Variants in SVEP1 observed in about 807,000 individuals in gnomAD.
The protein encoded by SVEP1 is sushi, von Willebrand factor type A, EGF and pentraxin domain containing 1.
In SVEP1, 164 loss-of-function variants were observed where a neutral mutation model predicts 367.3. The ratio of observed to expected loss-of-function variants is 0.45; its 90% CI spans 0.39 to 0.51. The LOEUF (loss-of-function observed/expected upper bound fraction) is 0.51. SVEP1 is among the 20% of genes least tolerant of loss of function. The pLI is 0.00. For synonymous variants in SVEP1, 1,666 were observed against 1,611.6 expected (o/e 1.03, Z -0.81); for missense variants, 4,117 against 4,425.3 (o/e 0.93, Z 1.98).
intron 9 of SVEP1, among the ~76,000 whole-genome samples, chr9:110,485,323 C>T (rs956971082): frequency 3.3e-5 from 5 of 152,128 alleles, no homozygotes; most frequent in African/African-American, 1.2e-4. Flanking sequence ...CCTCAGCAAA[C>T]TAATGCAGGA....
At chr9:110,488,605 T>C (rs1466401579) in intron 9 of SVEP1, among the ~76,000 whole-genome samples, 1 of 152,176 alleles carries the variant, frequency 6.6e-6, no homozygotes, top group African/African-American at 2.4e-5. Context: ...CTCACACCTA[T>C]AATCCCAGCA....
intron 3 of SVEP1, among the ~76,000 whole-genome samples, chr9:110,539,645 C>T (rs1830120073): frequency 6.6e-6 from 1 of 150,682 alleles, no homozygotes; most frequent in South Asian, 2.1e-4. Context: ...GTATGTGTTA[C>T]ATATATATGT....
At chr9:110,538,228 G>C (rs1241972914) in intron 3 of SVEP1, among the ~76,000 whole-genome samples, 2 of 151,932 alleles carry the variant, frequency 1.3e-5, no homozygotes, top group Non-Finnish European at 2.9e-5. Context: ...CCTGATTTAG[G>C]CAACAGTTAC....
intron 35 of SVEP1, among the ~76,000 whole-genome samples, chr9:110,428,399 A>AACACACACACACAC (rs113743775): frequency 0.14 from 17,054 of 119,976 alleles, 1,217 homozygotes; most frequent in Admixed American, 0.21. Context: ...CCTCTGTTTA[A>AACACACACACACAC]ACACACACAC....
At chr9:110,401,223 G>C (rs138945450) in intron 39 of SVEP1, among the ~76,000 whole-genome samples, 3 of 152,028 alleles carry the variant, frequency 2.0e-5, no homozygotes, top group Non-Finnish European at 4.4e-5. Context: ...GACAATTTTA[G>C]ACATTTCTTA....
intron 7 of SVEP1, among the ~76,000 whole-genome samples, chr9:110,498,269 C>G (rs76731630): frequency 2.6e-5 from 4 of 152,166 alleles, no homozygotes; most frequent in Non-Finnish European, 5.9e-5. Context: ...TATTTGTGGT[C>G]TAAAGGATTA....
intron 2 of SVEP1, among the ~76,000 whole-genome samples, chr9:110,548,490 C>T (rs1830246280): frequency 6.6e-6 from 1 of 152,146 alleles, no homozygotes; most frequent in Non-Finnish European, 1.5e-5. Context: ...GTACTATTCT[C>T]ATTTCCTATT....
Position 110,483,420 on chromosome 9 carries a change from G to A in SVEP1, c.2038+166C>T, listed in dbSNP as rs149446744. 5.9e-5 allele frequency among the ~76,000 whole-genome samples: 9 copies of A among 152,258 alleles called. No homozygotes were observed. In the East Asian group the frequency reaches 1.7e-3, roughly 29 times the overall value. ...CTCATTGATAGGTAAGATTGATAAT[G>A]TTAAATTATAATTATTCTAGCATTA... On this transcript the variant is annotated intron_variant, in intron 10 of 47. Coordinates refer to ENST00000374469, the MANE Select transcript of SVEP1 (RefSeq NM_153366.4).
At chr9:110,401,576 G>A (rs1406895614) in intron 39 of SVEP1, among the ~76,000 whole-genome samples, 1 of 148,970 alleles carries the variant, frequency 6.7e-6, no homozygotes. Context: ...AATCAATAAT[G>A]ATTAAAATAA....
intron 46 of SVEP1, among the ~76,000 whole-genome samples, chr9:110,374,254 G>T (rs543016935): frequency 5.3e-5 from 8 of 152,198 alleles, no homozygotes; most frequent in South Asian, 2.1e-4. Flanking sequence ...GTGGTATTTG[G>T]TTTTTTGTTC....
chr9:110,502,412 T>C (rs889774489), intron 6 of SVEP1, among the ~76,000 whole-genome samples: 1 of 152,130 alleles, frequency 6.6e-6, no homozygotes, highest in African/African-American at 2.4e-5. Context: ...AGAAAAATTC[T>C]ATTTTTGAAT....
At position 110,386,043 on chromosome 9, in the gene SVEP1, G is replaced by C. The variant is rs370352992; in HGVS notation, c.10092C>G (p.Pro3364=). The change falls in exon 43 of 48, where the codon CCC becomes CCG. Residue 3364 remains proline (P), a synonymous_variant. Transcript: ENST00000374469. The part of the protein sequence containing the change: ...PNPCPVPFVI[P]ENALLSEKEF... ...CCTTTTCAGACAGCAGAGCATTCTC[G>C]GGAATCACAAAAGGAACAGGGCATG... is the stretch of plus-strand genomic sequence containing the variant. 2 of 1,613,420 alleles carry C rather than the reference G, an allele frequency of 1.2e-6. No individual in the cohort carries two copies. The highest frequency in any genetic ancestry group is 1.7e-6 in the Non-Finnish European group (2 of 1,179,632).
At chr9:110,387,591 A>C in intron 41 of SVEP1, 133 bp from the exon 42 acceptor site, 1 of 1,021,708 alleles carries the variant, frequency 9.8e-7, no homozygotes, top group South Asian at 1.9e-5. Context: ...GCACAGTGAT[A>C]TTCATTGAAG....
chr9:110,451,340 A>T lies in SVEP1; in HGVS notation c.3850T>A (p.Cys1284Ser), dbSNP rs1828690199. The change falls in exon 23 of 48, where the codon TGT (cysteine) becomes AGT (serine). Residue 1284 changes from cysteine (C) to serine (S), a missense_variant. Physicochemically the swap from Cys to Ser is moderately radical, Grantham distance 112. This residue lies in a region of SVEP1 where 2,174 missense variants were observed against 2,494.3 expected (regional missense o/e 0.87). Coordinates refer to ENST00000374469, the MANE Select transcript of SVEP1 (RefSeq NM_153366.4). Reference protein sequence around the residue: ...SSSPCLNKGICVDGVAGYRCT... With the variant: ...SSSPCLNKGISVDGVAGYRCT... ...CGATAGCCAGCCACACCATCAACACAGATTCCTTTATTTAAACAAGGACTG... is the reference window on the plus strand; with the variant it reads ...CGATAGCCAGCCACACCATCAACACTGATTCCTTTATTTAAACAAGGACTG... 1 of 1,613,702 alleles carries T rather than the reference A, an allele frequency of 6.2e-7. No homozygotes were observed. The highest frequency in any genetic ancestry group is 1.3e-5 in the African/African-American group (1 of 74,922).
In SVEP1 at chr9:110,528,152, G is replaced by GTATA. The variant is rs1366946066; in HGVS notation, c.965-14047_965-14046insTATA. Among the ~76,000 whole-genome samples, 211 of 22,006 alleles carry GTATA rather than the reference G, an allele frequency of 9.6e-3. 1 individual carries two copies. The highest frequency in any genetic ancestry group is 0.012 in the African/African-American group (104 of 9,040). 14.4% of individuals were successfully genotyped at this position (22,006 alleles called of 152,430 possible). On this transcript the variant is annotated intron_variant, in intron 3 of 47. Coordinates refer to ENST00000374469, the MANE Select transcript of SVEP1 (RefSeq NM_153366.4). ...CACACGTGTGTGTGTGTGTGTGTGT[G>GTATA]TGTGTATATATATATATATATATAT...
intron 27 of SVEP1, among the ~76,000 whole-genome samples, chr9:110,442,170 T>C (rs141346976): frequency 1.2e-3 from 185 of 152,338 alleles, no homozygotes; most frequent in African/African-American, 4.3e-3. Context: ...CATAGAATGA[T>C]GTTCCTTTCC....
At chr9:110,431,682 T>A (rs1010908550) in intron 32 of SVEP1, among the ~76,000 whole-genome samples, 1 of 152,220 alleles carries the variant, frequency 6.6e-6, no homozygotes, top group African/African-American at 2.4e-5. Context: ...GAATCATAGT[T>A]GGCTGTCAGT....
In SVEP1 at chr9:110,408,918, T is replaced by A. The variant is rs1161297525; in HGVS notation, c.6682A>T (p.Arg2228Trp). ...TTGRIFESEV[R>W]YQCNPGYKSV... ...TTATAGCCCGGGTTACACTGATACC[T>A]CACTTCACTCTCAAAGATCCTGCCA... Residue 2228 changes from arginine (R) to tryptophan (W), a missense_variant, in exon 38 of 48, where the codon AGG (arginine) becomes TGG (tryptophan). Arg to Trp is a moderately radical substitution (Grantham distance 101, BLOSUM62 -3). Coordinates refer to ENST00000374469, the MANE Select transcript of SVEP1 (RefSeq NM_153366.4). 6.3e-7 allele frequency: 1 copy of A among 1,598,458 alleles called. No homozygotes were observed. Among genetic ancestry groups the A allele is most frequent in the Non-Finnish European group, 8.5e-7 (1 of 1,172,286 alleles).
intron 17 of SVEP1, among the ~76,000 whole-genome samples, chr9:110,466,779 G>A (rs201868926): frequency 0.015 from 1,496 of 99,234 alleles, 2 homozygotes; most frequent in Non-Finnish European, 0.02. Context: ...AAAAAAAAAA[G>A]AACTGGCTGC....
Sources: gnomAD v4.1 joint callset for allele counts (sites outside exome capture counted in the v4.1 genomes callset) on GRCh38, gnomAD v4.1.1 for gene constraint, gnomAD v4.1.1 regional missense constraint, MANE v1.5 for transcripts, NCBI Gene and HGNC (gene_info 2026-07-23, HGNC 2026-07-21) for gene names.